The following UNC13B variants were observed in gnomAD, a reference collection of about 807,000 sequenced individuals.
UNC13B encodes the protein protein unc-13 homolog B.
Under a neutral mutation model 211.0 loss-of-function variants are expected in UNC13B, and 144 were observed. The ratio of observed to expected loss-of-function variants is 0.68; its 90% CI spans 0.60 to 0.78. UNC13B has a LOEUF of 0.78. Among genes scored for constraint, UNC13B ranks in the 30% least tolerant of loss-of-function variants. The probability of loss-of-function intolerance (pLI) is 0.00; values close to 1 mark genes in which losing one functional copy is unlikely to be tolerated. For missense variants in UNC13B, 1,777 were observed against 2,002.0 expected (o/e 0.89, Z 2.14); for synonymous variants, 709 against 725.8 (o/e 0.98, Z 0.37).
At chr9:35,399,085 A>G (rs774336053) in intron 33 of UNC13B, 51 bp downstream of exon 33, 7 of 1,613,712 alleles carry the variant, frequency 4.3e-6, no homozygotes, top group Non-Finnish European at 5.1e-6. Context: ...AGCAGATGCT[A>G]TCGGGCAAGG....
In UNC13B at chr9:35,332,533, TG is replaced by T. The variant is rs1368131064; in HGVS notation, c.9414+18546del. On this transcript the variant is annotated intron_variant, in intron 11 of 39. Transcript: ENST00000635942. ...CCAGCTCTTGCTCTTCTTTTCTTTG[TG>T]GTTTCTTTTACCAGTCTCTGTCTCT... Among the ~76,000 whole-genome samples, 4 of 152,336 alleles carry T rather than the reference TG, an allele frequency of 2.6e-5. No individual in the cohort carries two copies. In the East Asian group the frequency reaches 7.7e-4, roughly 29 times the overall value.
At position 35,380,674 on chromosome 9, in the gene UNC13B, G is replaced by A. The variant is rs572123626; in HGVS notation, c.10375+35G>A. 7 of 1,613,434 alleles carry A rather than the reference G, an allele frequency of 4.3e-6. No homozygotes were observed. The South Asian group carries it at 7.7e-5, about 18-fold the overall frequency. On this transcript the variant is annotated intron_variant, in intron 18 of 39. Transcript: ENST00000635942. ...CTGGACCCGAGAAAGTTGCTTGGAAGGGAAAGCATGAAGGGGACCTGGGAA... is the reference window on the plus strand; with the variant it reads ...CTGGACCCGAGAAAGTTGCTTGGAAAGGAAAGCATGAAGGGGACCTGGGAA...
chr9:35,369,298 T>C (rs1833971710), intron 12 of UNC13B, among the ~76,000 whole-genome samples: 3 of 152,208 alleles, frequency 2.0e-5, no homozygotes, highest in African/African-American at 7.2e-5. Flanking sequence ...CCAACGTCTT[T>C]GCTCTCATTA....
chr9:35,328,224 G>A (rs879305361), intron 11 of UNC13B, among the ~76,000 whole-genome samples: 36 of 151,910 alleles, frequency 2.4e-4, no homozygotes, highest in Admixed American at 1.9e-3. Context: ...GGGTTTGACC[G>A]TGTTGGCCAG....
chr9:35,205,623 C>T (rs1286061542), intron 1 of UNC13B, among the ~76,000 whole-genome samples: 5 of 152,190 alleles, frequency 3.3e-5, no homozygotes, highest in Non-Finnish European at 7.3e-5. Context: ...TCATTCTGGA[C>T]ATTTTATGTG....
intron 7 of UNC13B, among the ~76,000 whole-genome samples, chr9:35,293,798 G>A (rs1829213178): frequency 6.6e-6 from 1 of 152,114 alleles, no homozygotes; most frequent in Admixed American, 6.5e-5. Context: ...TCCTGCCCTG[G>A]TCAGTGGACT....
chr9:35,396,807 G>C, intron 27 of UNC13B, 34 bp from the exon 28 acceptor site: 2 of 1,613,870 alleles, frequency 1.2e-6, no homozygotes, highest in Non-Finnish European at 1.7e-6. Flanking sequence ...CCCACCGCTA[G>C]TTCTAAGCCC....
At chr9:35,213,685 T>C (rs892429569) in intron 1 of UNC13B, among the ~76,000 whole-genome samples, 1 of 152,148 alleles carries the variant, frequency 6.6e-6, no homozygotes, top group Non-Finnish European at 1.5e-5. Context: ...CTAGAAAATA[T>C]TCACAGGAAG....
At chr9:35,368,717 A>G (rs1016316696) in intron 12 of UNC13B, among the ~76,000 whole-genome samples, 3 of 140,466 alleles carry the variant, frequency 2.1e-5, no homozygotes, top group African/African-American at 8.7e-5. Flanking sequence ...CTTTGTCAGT[A>G]TCTGTTTTTT....
intron 39 of UNC13B, 52 bp downstream of exon 39, chr9:35,403,651 G>C: frequency 6.4e-7 from 1 of 1,570,788 alleles, no homozygotes; most frequent in Non-Finnish European, 8.7e-7. Flanking sequence ...AAGACTTGAG[G>C]GGTGGGGGGA....
At chr9:35,366,232 T>G (rs1264481219) in intron 11 of UNC13B, among the ~76,000 whole-genome samples, 3 of 152,216 alleles carry the variant, frequency 2.0e-5, no homozygotes, top group Non-Finnish European at 4.4e-5. Flanking sequence ...AAGGATTTGC[T>G]TTTGTTTATT....
intron 7 of UNC13B, among the ~76,000 whole-genome samples, chr9:35,291,568 C>T (rs1210038225): frequency 6.6e-6 from 1 of 152,180 alleles, no homozygotes; most frequent in Non-Finnish European, 1.5e-5. Context: ...GTTTATTGGT[C>T]TAGCAAATTG....
chr9:35,397,516 GA>G (rs1835964573), intron 29 of UNC13B, 118 bp from the exon 30 acceptor site: 2 of 1,315,418 alleles, frequency 1.5e-6, no homozygotes, highest in Admixed American at 2.0e-5. Flanking sequence ...TGTACTGTGG[GA>G]TTCCCCCTTT....
intron 6 of UNC13B, among the ~76,000 whole-genome samples, chr9:35,255,754 C>T (rs1011570243): frequency 6.6e-5 from 10 of 151,976 alleles, no homozygotes; most frequent in Admixed American, 5.9e-4. Context: ...GATGTTATTC[C>T]CAGAAGCAAT....
At chr9:35,270,008 T>A (rs181210616) in intron 7 of UNC13B, among the ~76,000 whole-genome samples, 16 of 152,320 alleles carry the variant, frequency 1.1e-4, no homozygotes, top group African/African-American at 3.8e-4. Context: ...CTAGATCCTG[T>A]GTCCTTTTGA....
At chr9:35,203,383 C>G (rs914221325) in intron 1 of UNC13B, among the ~76,000 whole-genome samples, 2 of 152,148 alleles carry the variant, frequency 1.3e-5, no homozygotes, top group African/African-American at 2.4e-5. Flanking sequence ...ATTTGTTTGT[C>G]TGTAAAGGAT....
intron 1 of UNC13B, among the ~76,000 whole-genome samples, chr9:35,199,915 C>T (rs549486570): frequency 1.7e-3 from 254 of 152,242 alleles, no homozygotes; most frequent in African/African-American, 5.4e-3. Flanking sequence ...AGTCCTTGCC[C>T]ATGCCTATGT....
chr9:35,295,290 T>C (rs1158291778), intron 7 of UNC13B, among the ~76,000 whole-genome samples: 2 of 152,174 alleles, frequency 1.3e-5, no homozygotes, highest in Non-Finnish European at 2.9e-5. Context: ...CCCCAAGATA[T>C]GAAAAAGCTA....
chr9:35,241,794 G>A (rs1825829669), intron 5 of UNC13B, among the ~76,000 whole-genome samples: 1 of 152,152 alleles, frequency 6.6e-6, no homozygotes, highest in Middle Eastern at 3.2e-3. Flanking sequence ...TTTTATGGGT[G>A]TACCATATGG....
Sources: gnomAD v4.1 joint callset for allele counts (sites outside exome capture counted in the v4.1 genomes callset) on GRCh38, gnomAD v4.1.1 for gene constraint, MANE v1.5 for transcripts, NCBI Gene and HGNC (gene_info 2026-07-23, HGNC 2026-07-21) for gene names.